Variants in CTDSPL2 observed in about 807,000 individuals in gnomAD.
CTDSPL2 encodes the protein CTD small phosphatase-like protein 2.
Under a neutral mutation model 60.0 loss-of-function variants are expected in CTDSPL2, and 5 were observed. The observed-to-expected ratio is 0.08, with a 90% CI of 0.04 to 0.18. The LOEUF is 0.18. Among genes scored for constraint, CTDSPL2 ranks in the 10% least tolerant of loss-of-function variants. CTDSPL2 has a pLI of 1.00. For synonymous variants in CTDSPL2, 186 were observed against 189.3 expected (o/e 0.98, Z 0.14); for missense variants, 370 against 548.8 (o/e 0.67, Z 3.26).
intron 2 of CTDSPL2, among the ~76,000 whole-genome samples, chr15:44,470,969 G>T (rs2080797491): frequency 6.6e-6 from 1 of 151,848 alleles, no homozygotes; most frequent in Non-Finnish European, 1.5e-5. Flanking sequence ...AAATACACCT[G>T]TTCAAAGTGT....
chr15:44,438,773 C>T (rs1233095633), intron 1 of CTDSPL2, among the ~76,000 whole-genome samples: 1 of 152,074 alleles, frequency 6.6e-6, no homozygotes, highest in African/African-American at 2.4e-5. Context: ...ATTAATGATG[C>T]AGTTTATAAT....
In CTDSPL2 at chr15:44,486,599, A is replaced by C; in HGVS notation, c.374A>C (p.Lys125Thr). ...MTNQHVKQNG[K>T]LEDNPSSGSP... ...AATCAACATGTAAAACAAAATGGAA[A>C]ATTAGAAGATAATCCTTCCTCTGGC... Residue 125 changes from lysine to threonine, a missense_variant, in exon 4 of 13, where the codon AAA becomes ACA. Physicochemically the swap from Lys to Thr is moderately conservative, Grantham distance 78. This residue lies in a region of CTDSPL2 where 287 missense variants were observed against 296.1 expected (regional missense o/e 0.97). Coordinates refer to ENST00000260327, the MANE Select transcript of CTDSPL2 (RefSeq NM_016396.3). 6.3e-7 allele frequency: 1 copy of C among 1,590,458 alleles called. No individual in the cohort carries two copies. Among genetic ancestry groups the C allele is most frequent in the Non-Finnish European group, 8.5e-7 (1 of 1,170,276 alleles).
At chr15:44,489,581 A>G (rs1200827967) in intron 4 of CTDSPL2, among the ~76,000 whole-genome samples, 1 of 152,218 alleles carries the variant, frequency 6.6e-6, no homozygotes, top group Non-Finnish European at 1.5e-5. Flanking sequence ...GTTAATGTCC[A>G]GGTTATAGCT....
intron 8 of CTDSPL2, among the ~76,000 whole-genome samples, chr15:44,503,252 T>C (rs888296776): frequency 5.3e-5 from 8 of 152,306 alleles, no homozygotes; most frequent in African/African-American, 1.9e-4. Context: ...TAATCAGTTA[T>C]TAAGAAAACA....
rs190920542 is a variant in CTDSPL2, at chr15:44,433,644, G to A, written c.-25+5872G>A. Among the ~76,000 whole-genome samples the A allele has an allele frequency of 1.7e-3, 263 of 151,862 alleles. 2 individuals are homozygous for A. The highest frequency in any genetic ancestry group is 6.2e-3 in the African/African-American group (255 of 41,458). On this transcript the variant is annotated intron_variant, in intron 1 of 12. Coordinates refer to ENST00000260327, the MANE Select transcript of CTDSPL2 (RefSeq NM_016396.3). ...ACTACAGGTGTTTGCCACCACGCCTGGCTAATTTTTGTATTTTTTCTGTTT... is the reference window on the plus strand; with the variant it reads ...ACTACAGGTGTTTGCCACCACGCCTAGCTAATTTTTGTATTTTTTCTGTTT...
chr15:44,471,348 G>A (rs1395087468), intron 2 of CTDSPL2, among the ~76,000 whole-genome samples: 1 of 152,106 alleles, frequency 6.6e-6, no homozygotes, highest in Non-Finnish European at 1.5e-5. Flanking sequence ...CTTCTTTGTA[G>A]CAGCTTTATT....
At chr15:44,478,889 G>T (rs918676918) in intron 2 of CTDSPL2, among the ~76,000 whole-genome samples, 8 of 152,138 alleles carry the variant, frequency 5.3e-5, no homozygotes, top group Non-Finnish European at 8.8e-5. Context: ...GGCTGAGGCA[G>T]AATTGCTTGA....
In CTDSPL2 at chr15:44,468,670, G is replaced by A. The variant is rs1014933832; in HGVS notation, c.186+9470G>A. 5.9e-5 allele frequency among the ~76,000 whole-genome samples: 9 copies of A among 152,280 alleles called. No homozygotes were observed. The East Asian group carries it at 1.5e-3, about 26-fold the overall frequency. ...TCTCTGTTGCAGCTACTATTCAACT[G>A]CCACTGTAGACGGCTACATAAATGA... On this transcript the variant is annotated intron_variant, in intron 2 of 12. Transcript: ENST00000260327.
intron 8 of CTDSPL2, chr15:44,503,940 A>C (rs2140840106): frequency 6.6e-6 from 1 of 152,416 alleles, no homozygotes; most frequent in East Asian, 1.9e-4. Flanking sequence ...TTATGGGAAA[A>C]GTTGGGGGAA....
Position 44,433,585 on chromosome 15 carries a change from T to A in CTDSPL2, c.-25+5813T>A, listed in dbSNP as rs186835086. ...GCAACCTCCGCCTCCCTGGTTCAAG[T>A]GATTGTCCTGCCTCAGCCTCCTGAG... On this transcript the variant is annotated intron_variant, in intron 1 of 12. Transcript: ENST00000260327. 3.5e-4 allele frequency among the ~76,000 whole-genome samples: 53 copies of A among 151,632 alleles called. No individual in the cohort carries two copies. In the East Asian group the frequency reaches 0.01, roughly 29 times the overall value.
chr15:44,443,988 G>C (rs1435959728), intron 1 of CTDSPL2, among the ~76,000 whole-genome samples: 1 of 151,428 alleles, frequency 6.6e-6, no homozygotes, highest in Non-Finnish European at 1.5e-5. Flanking sequence ...CTGCACTCTT[G>C]AACTCCTGAG....
At chr15:44,429,682 A>G (rs556103093) in intron 1 of CTDSPL2, among the ~76,000 whole-genome samples, 1 of 152,282 alleles carries the variant, frequency 6.6e-6, no homozygotes, top group South Asian at 2.1e-4. Flanking sequence ...CCTGGCCAAC[A>G]TAGTGAAACT....
chr15:44,521,271 A>G (rs1325559566), intron 11 of CTDSPL2, 40 bp from the exon 12 acceptor site: 3 of 1,001,374 alleles, frequency 3.0e-6, no homozygotes, highest in Non-Finnish European at 4.5e-6. Context: ...TAGGTAAAAT[A>G]TAAGTAAAAG....
At chr15:44,428,089 C>A in intron 1 of CTDSPL2, 1 of 171,128 alleles carries the variant, frequency 5.8e-6, no homozygotes, top group Non-Finnish European at 1.2e-5. Flanking sequence ...TAGTCCCCAA[C>A]CTCTGGGTAA....
intron 3 of CTDSPL2, among the ~76,000 whole-genome samples, chr15:44,485,011 A>G (rs1354314911): frequency 6.6e-6 from 1 of 152,184 alleles, no homozygotes; most frequent in Non-Finnish European, 1.5e-5. Context: ...AGATTATTCT[A>G]CTTAAGAGCT....
At chr15:44,464,014 C>T (rs548445312) in intron 2 of CTDSPL2, among the ~76,000 whole-genome samples, 1 of 152,236 alleles carries the variant, frequency 6.6e-6, no homozygotes, top group Admixed American at 6.5e-5. Context: ...ACAGCTTTTA[C>T]TTTTTTTCTT....
intron 1 of CTDSPL2, among the ~76,000 whole-genome samples, chr15:44,428,888 T>A (rs538216776): frequency 2.0e-5 from 3 of 152,172 alleles, no homozygotes; most frequent in African/African-American, 7.2e-5. Context: ...TTCCTTTTTT[T>A]TAAATTACAT....
At chr15:44,487,371 C>T (rs188132216) in intron 4 of CTDSPL2, among the ~76,000 whole-genome samples, 26 of 152,272 alleles carry the variant, frequency 1.7e-4, no homozygotes, top group Admixed American at 1.2e-3. Flanking sequence ...GGGAGGAATG[C>T]TTCAATCCAG....
intron 2 of CTDSPL2, among the ~76,000 whole-genome samples, chr15:44,482,012 C>G (rs2081035936): frequency 6.6e-6 from 1 of 152,248 alleles, no homozygotes; most frequent in Non-Finnish European, 1.5e-5. Context: ...GCCCTGCTGG[C>G]TTAAAGCTTC....
Sources: allele counts gnomAD v4.1 joint callset (sites outside exome capture counted in the v4.1 genomes callset), GRCh38; gene constraint gnomAD v4.1.1; regional missense constraint gnomAD v4.1.1; transcripts MANE v1.5; gene names NCBI Gene and HGNC (gene_info 2026-07-23, HGNC 2026-07-21).